PPP6R3: variants seen among roughly 807,000 people sequenced by gnomAD.
PPP6R3 encodes the protein protein phosphatase 6 regulatory subunit 3, also known as serine/threonine-protein phosphatase 6 regulatory subunit 3.
Under a neutral mutation model 110.7 loss-of-function variants are expected in PPP6R3, and 38 were observed. The observed-to-expected ratio is 0.34, with a 90% CI of 0.26 to 0.45. The LOEUF (loss-of-function observed/expected upper bound fraction) is 0.45, where lower values mean the gene tolerates loss of function less well. Among genes scored for constraint, PPP6R3 ranks in the 20% least tolerant of loss-of-function variants. The pLI is 1.00. For synonymous variants in PPP6R3, 369 were observed against 373.5 expected (o/e 0.99, Z 0.14); for missense variants, 870 against 1,062.4 (o/e 0.82, Z 2.52).
chr11:68,573,971 TTTC>T (rs2099520504), intron 12 of PPP6R3, 135 bp from the exon 13 acceptor site: 6 of 598,776 alleles, frequency 1.0e-5, no homozygotes, highest in Non-Finnish European at 1.8e-5. Flanking sequence ...TTGTTTTTCT[TTTC>T]TTTTCTGTCC....
intron 14 of PPP6R3, among the ~76,000 whole-genome samples, chr11:68,581,023 G>A (rs965331283): frequency 3.9e-5 from 6 of 151,934 alleles, no homozygotes; most frequent in Non-Finnish European, 8.8e-5. Flanking sequence ...CGCCCGCCTC[G>A]GCCTCCCAAA....
chr11:68,536,034 T>A (rs950563853), intron 2 of PPP6R3, among the ~76,000 whole-genome samples: 3 of 152,106 alleles, frequency 2.0e-5, no homozygotes, highest in Non-Finnish European at 1.5e-5. Flanking sequence ...TTCAGTGATC[T>A]CATTGCCTAT....
chr11:68,526,608 C>T (rs972229158), intron 2 of PPP6R3, among the ~76,000 whole-genome samples: 2 of 152,186 alleles, frequency 1.3e-5, no homozygotes, highest in African/African-American at 2.4e-5. Flanking sequence ...AGCATGCACA[C>T]GTGCATCTGG....
In PPP6R3 at chr11:68,613,729, T is replaced by TGTAA. The variant is rs1259429180; in HGVS notation, c.*615_*618dup. On this transcript the variant is annotated 3_prime_UTR_variant, in exon 24 of 24. Coordinates refer to ENST00000393800, the MANE Select transcript of PPP6R3 (RefSeq NM_001164161.2). Reference sequence around the variant, plus strand: ...TGTATTGTTTAAAACGGATCAAAAATGTAAGTCTATTGGTAGAGATTAAGT... The same window carrying TGTAA: ...TGTATTGTTTAAAACGGATCAAAAATGTAAGTAAGTCTATTGGTAGAGATTAAGT... 3.2e-5 allele frequency: 31 copies of TGTAA among 976,286 alleles called. No homozygotes were observed. Among genetic ancestry groups the TGTAA allele is most frequent in the African/African-American group, 2.4e-4 (13 of 53,568 alleles). The allele number at this position is 976,286 out of a possible 1,614,324, so 60.5% of individuals were successfully genotyped here.
Position 68,614,828 on chromosome 11 carries a change from T to A in PPP6R3, c.*1711T>A. ...GAGGACAGGGCTCCTCCTGCTTGCC[T>A]CAGGGCTGCCTGACTTGAATGGCGT... On this transcript the variant is annotated 3_prime_UTR_variant, in exon 24 of 24. Coordinates refer to ENST00000393800, the MANE Select transcript of PPP6R3 (RefSeq NM_001164161.2). The A allele has an allele frequency of 7.4e-7, 1 of 1,357,278 alleles. No individual in the cohort carries two copies. Among genetic ancestry groups the A allele is most frequent in the Non-Finnish European group, 1.0e-6 (1 of 976,862 alleles). The allele number at this position is 1,357,278 out of a possible 1,614,324, so 84.1% of individuals were successfully genotyped here. A position where few individuals can be genotyped will look rare whatever the true frequency, so the allele number is the denominator to read the frequency against.
At chr11:68,522,965 T>C (rs7925275) in intron 2 of PPP6R3, among the ~76,000 whole-genome samples, 35,111 of 152,184 alleles carry the variant, frequency 0.23, 4,297 homozygotes, top group Middle Eastern at 0.32. Flanking sequence ...TTGGGACTGC[T>C]ACCTTCATCA....
intron 14 of PPP6R3, among the ~76,000 whole-genome samples, chr11:68,578,566 A>T (rs1364151107): frequency 6.6e-6 from 1 of 152,194 alleles, no homozygotes; most frequent in Non-Finnish European, 1.5e-5. Flanking sequence ...CACGTGCTTA[A>T]GTTAGTGCAT....
intron 1 of PPP6R3, among the ~76,000 whole-genome samples, chr11:68,477,771 T>TATATATATATATATAA (rs2098846217): frequency 7.2e-6 from 1 of 138,812 alleles, no homozygotes; most frequent in African/African-American, 2.7e-5. Flanking sequence ...TATATATATA[T>TATATATATATATATAA]AATTTCCAAC....
chr11:68,550,863 T>C (rs1363064486), intron 5 of PPP6R3: 1 of 374,836 alleles, frequency 2.7e-6, no homozygotes, highest in Non-Finnish European at 4.8e-6. Context: ...ACCTCATGGC[T>C]AAGAAGCTGA....
intron 14 of PPP6R3, among the ~76,000 whole-genome samples, chr11:68,582,836 G>A (rs539478084): frequency 2.3e-3 from 343 of 152,350 alleles, no homozygotes; most frequent in Admixed American, 3.3e-3. Flanking sequence ...TAACTAGAAG[G>A]GAGTGGCAGG....
intron 1 of PPP6R3, among the ~76,000 whole-genome samples, chr11:68,468,373 A>T (rs917844839): frequency 1.3e-5 from 2 of 152,198 alleles, no homozygotes; most frequent in Non-Finnish European, 2.9e-5. Context: ...TGGACAATGG[A>T]CAGGTCTCAT....
At chr11:68,486,474 G>A (rs1243814226) in intron 1 of PPP6R3, among the ~76,000 whole-genome samples, 9 of 151,884 alleles carry the variant, frequency 5.9e-5, no homozygotes, top group Admixed American at 1.3e-4. Context: ...GTGTGGTGGC[G>A]GGCGCCTGTA....
intron 14 of PPP6R3, among the ~76,000 whole-genome samples, 173 bp downstream of exon 14, chr11:68,576,216 C>T (rs1460911375): frequency 6.6e-6 from 1 of 152,200 alleles, no homozygotes; most frequent in Non-Finnish European, 1.5e-5. Flanking sequence ...GCCCATTTGT[C>T]TAGTCCACTC....
intron 9 of PPP6R3, among the ~76,000 whole-genome samples, chr11:68,566,320 CCTT>C (rs1332028740): frequency 6.6e-6 from 1 of 151,454 alleles, no homozygotes; most frequent in Admixed American, 6.6e-5. Context: ...CCTCCTTCCT[CCTT>C]CTCTTTCCTC....
At chr11:68,496,978 C>T (rs1269470249) in intron 1 of PPP6R3, among the ~76,000 whole-genome samples, 1 of 148,790 alleles carries the variant, frequency 6.7e-6, no homozygotes, top group East Asian at 2.1e-4. Flanking sequence ...TCTCTTGCTT[C>T]AACCTCGCGA....
intron 22 of PPP6R3, 65 bp downstream of exon 22, chr11:68,603,557 C>G (rs1298475289): frequency 6.3e-7 from 1 of 1,587,526 alleles, no homozygotes; most frequent in East Asian, 2.2e-5. Flanking sequence ...GCAGAAACCT[C>G]AAACATTAAA....
intron 1 of PPP6R3, among the ~76,000 whole-genome samples, chr11:68,475,479 A>G (rs1292282110): frequency 6.6e-6 from 1 of 151,856 alleles, no homozygotes; most frequent in Non-Finnish European, 1.5e-5. Context: ...CTCACTTCCC[A>G]GAAGGGGCGG....
chr11:68,537,437 C>G (rs1479523510), intron 2 of PPP6R3, among the ~76,000 whole-genome samples: 2 of 152,190 alleles, frequency 1.3e-5, no homozygotes, highest in African/African-American at 4.8e-5. Flanking sequence ...TGAGCATTTT[C>G]AAGTCAAAAT....
chr11:68,612,791 C>G, intron 23 of PPP6R3: 1 of 481,014 alleles, frequency 2.1e-6, no homozygotes, highest in Non-Finnish European at 3.6e-6. Context: ...CCCTGTGCTT[C>G]TTGGAGGCCG....
Sources: gnomAD v4.1 joint callset for allele counts (sites outside exome capture counted in the v4.1 genomes callset) on GRCh38, gnomAD v4.1.1 for gene constraint, MANE v1.5 for transcripts, NCBI Gene and HGNC (gene_info 2026-07-23, HGNC 2026-07-21) for gene names.